Variants in THSD7B observed in about 807,000 individuals in gnomAD.
The protein encoded by THSD7B is thrombospondin type 1 domain containing 7B.
In THSD7B, 138 loss-of-function variants were observed where a neutral mutation model predicts 213.6. The ratio of observed to expected loss-of-function variants is 0.65; its 90% CI spans 0.56 to 0.74. The LOEUF is 0.74. Among genes scored for constraint, THSD7B ranks in the 30% least tolerant of loss-of-function variants. The pLI is 0.00. For synonymous variants in THSD7B, 742 were observed against 687.0 expected (o/e 1.08, Z -1.25); for missense variants, 1,931 against 1,991.5 (o/e 0.97, Z 0.58).
chr2:137,300,363 G>T lies in THSD7B; in HGVS notation c.2500+24337G>T, dbSNP rs150819178. ...TACAAAAGGTTATGAAAATTTAGAA[G>T]CTTTCCTTCCTTCTTGTCTTCCTTC... On this transcript the variant is annotated intron_variant, in intron 12 of 27. Transcript: ENST00000409968. Among the ~76,000 whole-genome samples, 521 of 152,228 alleles carry T rather than the reference G, an allele frequency of 3.4e-3. 4 individuals carry two copies. Among genetic ancestry groups the T allele is most frequent in the Middle Eastern group, 0.01 (3 of 294 alleles).
intron 1 of THSD7B, among the ~76,000 whole-genome samples, chr2:136,771,931 C>A (rs1203019326): frequency 6.6e-6 from 1 of 152,226 alleles, no homozygotes; most frequent in East Asian, 1.9e-4. Context: ...GTAATTATTA[C>A]TATTAGTTAA....
intron 12 of THSD7B, among the ~76,000 whole-genome samples, chr2:137,293,040 G>A (rs377075821): frequency 6.6e-6 from 1 of 152,108 alleles, no homozygotes; most frequent in African/African-American, 2.4e-5. Context: ...TAAGGCACTA[G>A]TTTCCTGGAT....
intron 17 of THSD7B, among the ~76,000 whole-genome samples, chr2:137,572,986 T>C (rs1227693679): frequency 6.6e-6 from 1 of 152,136 alleles, no homozygotes; most frequent in African/African-American, 2.4e-5. Context: ...GATCTGTTTT[T>C]GCCTTTTACT....
intron 14 of THSD7B, among the ~76,000 whole-genome samples, chr2:137,447,785 G>A (rs1338540707): frequency 2.0e-5 from 3 of 150,706 alleles, no homozygotes; most frequent in Non-Finnish European, 3.0e-5. Flanking sequence ...TGGAGAGAGA[G>A]AAAAAAAGAA....
rs374362842 is a variant in THSD7B at position 137,109,805 on chromosome 2, C to T, written c.1200-5319C>T. Among the ~76,000 whole-genome samples the T allele has an allele frequency of 1.1e-4, 16 of 152,088 alleles. No homozygotes were observed. In the East Asian group the frequency reaches 1.3e-3, roughly 13 times the overall value. On this transcript the variant is annotated intron_variant, in intron 4 of 27. Coordinates refer to ENST00000409968, the MANE Select transcript of THSD7B (RefSeq NM_001316349.2). ...CTGTGAGACCTGGTTCCTAACAGGC[C>T]GCTGACCAGTACTGGTCTGTGGCTC...
intron 15 of THSD7B, among the ~76,000 whole-genome samples, chr2:137,498,914 G>A (rs1316803154): frequency 6.6e-6 from 1 of 152,124 alleles, no homozygotes; most frequent in East Asian, 1.9e-4. Context: ...AAGATCAGAG[G>A]CAGGTTGCTC....
intron 17 of THSD7B, among the ~76,000 whole-genome samples, chr2:137,581,771 T>TA (rs1167680028): frequency 7.8e-4 from 99 of 126,678 alleles, no homozygotes; most frequent in Middle Eastern, 4.0e-3. Flanking sequence ...AAAAAAAAAA[T>TA]AAAAAAAAAA....
At chr2:137,197,457 A>AT (rs1680786763) in intron 7 of THSD7B, among the ~76,000 whole-genome samples, 1 of 152,220 alleles carries the variant, frequency 6.6e-6, no homozygotes, top group African/African-American at 2.4e-5. Flanking sequence ...TGAAATAAAT[A>AT]TTAAATGAAG....
intron 14 of THSD7B, among the ~76,000 whole-genome samples, chr2:137,420,717 AT>A (rs1686905326): frequency 6.6e-6 from 1 of 152,208 alleles, no homozygotes; most frequent in South Asian, 2.1e-4. Flanking sequence ...TGAATAACTA[AT>A]TTTAATTCAC....
chr2:137,438,618 G>T (rs1009340419), intron 14 of THSD7B, among the ~76,000 whole-genome samples: 2 of 152,036 alleles, frequency 1.3e-5, no homozygotes, highest in African/African-American at 4.8e-5. Flanking sequence ...CCCTGCGATG[G>T]TTGATAACAT....
intron 7 of THSD7B, among the ~76,000 whole-genome samples, chr2:137,182,919 A>G (rs1381672703): frequency 6.6e-6 from 1 of 152,134 alleles, no homozygotes; most frequent in African/African-American, 2.4e-5. Context: ...ATAGATGCTG[A>G]TTTCATCTAT....
intron 3 of THSD7B, among the ~76,000 whole-genome samples, chr2:137,066,236 G>T (rs1361665602): frequency 7.1e-6 from 1 of 140,320 alleles, no homozygotes; most frequent in South Asian, 2.2e-4. Context: ...CTGTCTCCCA[G>T]TCTGGAGTGC....
At chr2:137,279,338 C>A (rs1029911188) in intron 12 of THSD7B, among the ~76,000 whole-genome samples, 1 of 151,906 alleles carries the variant, frequency 6.6e-6, no homozygotes, top group African/African-American at 2.4e-5. Flanking sequence ...GAGTTGGAGA[C>A]CAGCCTGGAC....
Position 137,232,674 on chromosome 2 carries a change from G to A in THSD7B, c.1916-225G>A, listed in dbSNP as rs571024691. Among the ~76,000 whole-genome samples, 31 of 152,290 alleles carry A rather than the reference G, an allele frequency of 2.0e-4. No individual in the cohort carries two copies. The South Asian group carries it at 2.7e-3, about 13-fold the overall frequency. ...CAATTAATTTTAAAATCTAATTGAT[G>A]TGGACTGCTGCTTGTTATTTAGTGG... is the stretch of plus-strand genomic sequence containing the variant. On this transcript the variant is annotated intron_variant, in intron 8 of 27. Transcript: ENST00000409968.
chr2:137,648,570 G>A (rs978667087), intron 21 of THSD7B, among the ~76,000 whole-genome samples: 1 of 151,996 alleles, frequency 6.6e-6, no homozygotes, highest in African/African-American at 2.4e-5. Flanking sequence ...CTTCCTTATG[G>A]TTGAGTAATA....
At chr2:137,561,281 G>GT (rs553613863) in intron 15 of THSD7B, among the ~76,000 whole-genome samples, 1 of 152,074 alleles carries the variant, frequency 6.6e-6, no homozygotes, top group Non-Finnish European at 1.5e-5. Flanking sequence ...TAAACAAACA[G>GT]TTTTTCATTT....
chr2:137,222,907 T>C (rs1452155129), intron 7 of THSD7B, among the ~76,000 whole-genome samples: 1 of 152,128 alleles, frequency 6.6e-6, no homozygotes, highest in Non-Finnish European at 1.5e-5. Context: ...GTGGAGAAGA[T>C]AGTAGATAGT....
intron 5 of THSD7B, among the ~76,000 whole-genome samples, chr2:137,125,825 C>T (rs1026426715): frequency 2.5e-4 from 38 of 152,140 alleles, no homozygotes; most frequent in African/African-American, 8.7e-4. Flanking sequence ...TAAAATTCCT[C>T]CTTGGTCCAT....
At chr2:137,369,085 T>G (rs1407759782) in intron 12 of THSD7B, among the ~76,000 whole-genome samples, 1 of 145,778 alleles carries the variant, frequency 6.9e-6, no homozygotes, top group African/African-American at 2.5e-5. Context: ...TGATTTGAAT[T>G]TGCCATTGCC....
Sources: allele counts gnomAD v4.1 joint callset (sites outside exome capture counted in the v4.1 genomes callset), GRCh38; gene constraint gnomAD v4.1.1; transcripts MANE v1.5; gene names NCBI Gene and HGNC (gene_info 2026-07-23, HGNC 2026-07-21).